The following RALYL variants were observed in gnomAD, a reference collection of about 807,000 sequenced individuals.
The protein encoded by RALYL is RNA-binding Raly-like protein.
A neutral mutation model predicts 35.1 loss-of-function variants in RALYL; 29 were observed. The ratio of observed to expected loss-of-function variants is 0.83; its 90% CI spans 0.61 to 1.13. The LOEUF (loss-of-function observed/expected upper bound fraction) is 1.13. RALYL is among the 50% of genes most tolerant of loss of function. The pLI is 0.00. For synonymous variants in RALYL, 120 were observed against 127.6 expected (o/e 0.94, Z 0.40); for missense variants, 359 against 360.4 (o/e 1.00, Z 0.03).
intron 3 of RALYL, among the ~76,000 whole-genome samples, chr8:84,778,411 A>T (rs1817356313): frequency 6.6e-6 from 1 of 152,230 alleles, no homozygotes; most frequent in African/African-American, 2.4e-5. Flanking sequence ...TATACATAGA[A>T]AATAAAACAG....
chr8:84,545,084 T>C (rs1279855528), intron 2 of RALYL, among the ~76,000 whole-genome samples: 1 of 152,128 alleles, frequency 6.6e-6, no homozygotes, highest in Non-Finnish European at 1.5e-5. Context: ...ATGTCTCTTA[T>C]CCATGTGGAA....
chr8:84,837,436 G>A (rs1247470290), intron 4 of RALYL, among the ~76,000 whole-genome samples: 2 of 152,100 alleles, frequency 1.3e-5, no homozygotes, highest in Non-Finnish European at 2.9e-5. Flanking sequence ...AAATTTATTA[G>A]TATTCTTAAG....
intron 1 of RALYL, among the ~76,000 whole-genome samples, chr8:84,241,750 C>A (rs1423814015): frequency 1.4e-5 from 2 of 146,868 alleles, no homozygotes; most frequent in Non-Finnish European, 3.0e-5. Flanking sequence ...TGCACTCCAG[C>A]CTGGACAATA....
At chr8:84,416,782 G>C (rs953604378) in intron 1 of RALYL, among the ~76,000 whole-genome samples, 1 of 152,070 alleles carries the variant, frequency 6.6e-6, no homozygotes, top group Non-Finnish European at 1.5e-5. Flanking sequence ...ATGCATTCTA[G>C]TTTGGATAGT....
At chr8:84,913,874 C>T (rs1847983620) in intron 8 of RALYL, among the ~76,000 whole-genome samples, 1 of 151,664 alleles carries the variant, frequency 6.6e-6, no homozygotes, top group South Asian at 2.1e-4. Flanking sequence ...GTATTTTTTT[C>T]ACCATACTAT....
chr8:84,546,767 C>T (rs959460556), intron 2 of RALYL, among the ~76,000 whole-genome samples: 1 of 152,006 alleles, frequency 6.6e-6, no homozygotes, highest in Non-Finnish European at 1.5e-5. Flanking sequence ...ATAGGATTCC[C>T]CTGGATAACC....
At chr8:84,886,789 T>C (rs1437210185) in intron 7 of RALYL, among the ~76,000 whole-genome samples, 1 of 152,178 alleles carries the variant, frequency 6.6e-6, no homozygotes, top group African/African-American at 2.4e-5. Flanking sequence ...TAATGTGGAG[T>C]GTAGCTTCAT....
intron 2 of RALYL, among the ~76,000 whole-genome samples, chr8:84,556,517 A>G (rs1280734630): frequency 2.6e-5 from 4 of 152,184 alleles, no homozygotes; most frequent in Non-Finnish European, 4.4e-5. Flanking sequence ...AAATAAAATA[A>G]AACAAAAACA....
chr8:84,571,693 G>A (rs1808030012), intron 2 of RALYL, among the ~76,000 whole-genome samples: 1 of 151,542 alleles, frequency 6.6e-6, no homozygotes, highest in African/African-American at 2.4e-5. Context: ...GTTTCTTAAG[G>A]TGTGATATTA....
chr8:84,851,405 G>A (rs1835837385), intron 5 of RALYL, among the ~76,000 whole-genome samples: 2 of 152,040 alleles, frequency 1.3e-5, no homozygotes, highest in African/African-American at 2.4e-5. Flanking sequence ...TCGGAGAACT[G>A]GTGTTATTTA....
chr8:84,843,307 C>T (rs200142336), intron 4 of RALYL, among the ~76,000 whole-genome samples: 5 of 151,912 alleles, frequency 3.3e-5, no homozygotes, highest in East Asian at 1.9e-4. Context: ...ATCACAAGCA[C>T]TCTTATACAC....
At chr8:84,550,026 A>G (rs1265311344) in intron 2 of RALYL, among the ~76,000 whole-genome samples, 1 of 152,060 alleles carries the variant, frequency 6.6e-6, no homozygotes, top group Non-Finnish European at 1.5e-5. Context: ...AGGAGACCAT[A>G]TTGTCATTGT....
rs112428438 is a variant in RALYL at position 84,850,386 on chromosome 8, G to A, written c.413+359G>A. On this transcript the variant is annotated intron_variant, in intron 5 of 8. Coordinates refer to ENST00000521268, the MANE Select transcript of RALYL (RefSeq NM_173848.7). ...CTCAGAAAAATAACTCCAACCTTCTGAAGTCCATAATAAAACATTGAAAAT... is the reference window on the plus strand; with the variant it reads ...CTCAGAAAAATAACTCCAACCTTCTAAAGTCCATAATAAAACATTGAAAAT... Among the ~76,000 whole-genome samples the A allele has an allele frequency of 3.0e-3, 454 of 152,248 alleles. 1 individual carries two copies. The highest frequency in any genetic ancestry group is 0.011 in the African/African-American group (442 of 41,564).
chr8:84,694,904 C>T (rs1327201934), intron 2 of RALYL, among the ~76,000 whole-genome samples: 1 of 151,758 alleles, frequency 6.6e-6, no homozygotes, highest in Non-Finnish European at 1.5e-5. Context: ...TAACACTATA[C>T]TTGTCATTAT....
chr8:84,425,621 C>G (rs570573156), intron 1 of RALYL, among the ~76,000 whole-genome samples: 1 of 152,258 alleles, frequency 6.6e-6, no homozygotes, highest in Non-Finnish European at 1.5e-5. Flanking sequence ...TCCAATTTTC[C>G]AAAACAGCAA....
chr8:84,841,539 G>A (rs1387356563), intron 4 of RALYL, among the ~76,000 whole-genome samples: 1 of 152,104 alleles, frequency 6.6e-6, no homozygotes, highest in Admixed American at 6.5e-5. Context: ...ACACACCACT[G>A]TCAACATTAG....
At chr8:84,233,861 C>T (rs1299938029) in intron 1 of RALYL, among the ~76,000 whole-genome samples, 1 of 152,222 alleles carries the variant, frequency 6.6e-6, no homozygotes, top group South Asian at 2.1e-4. Flanking sequence ...CATGTTTCAT[C>T]TTAGTCATTT....
At chr8:84,260,042 C>T (rs1017619774) in intron 1 of RALYL, among the ~76,000 whole-genome samples, 3 of 152,084 alleles carry the variant, frequency 2.0e-5, no homozygotes, top group Admixed American at 1.3e-4. Flanking sequence ...TATGGTCTAT[C>T]TGGGTCTGGT....
At chr8:84,637,783 C>T (rs548542775) in intron 2 of RALYL, among the ~76,000 whole-genome samples, 53 of 151,810 alleles carry the variant, frequency 3.5e-4, no homozygotes, top group African/African-American at 1.2e-3. Flanking sequence ...TGGAATTTTG[C>T]AGCTGGGTCT....
Sources: allele counts gnomAD v4.1 joint callset (sites outside exome capture counted in the v4.1 genomes callset), GRCh38; gene constraint gnomAD v4.1.1; transcripts MANE v1.5; gene names NCBI Gene and HGNC (gene_info 2026-07-23, HGNC 2026-07-21).